The following ZDHHC14 variants were observed in gnomAD, a reference collection of about 807,000 sequenced individuals.
ZDHHC14 encodes the protein zDHHC palmitoyltransferase 14.
Under a neutral mutation model 47.7 loss-of-function variants are expected in ZDHHC14, and 16 were observed. The ratio of observed to expected loss-of-function variants is 0.34; its 90% confidence interval spans 0.23 to 0.51. The LOEUF is 0.51. ZDHHC14 is among the 20% of genes least tolerant of loss of function. ZDHHC14 has a pLI of 0.97. For synonymous variants in ZDHHC14, 293 were observed against 278.9 expected (o/e 1.05, Z -0.50); for missense variants, 515 against 662.5 (o/e 0.78, Z 2.44).
chr6:157,578,940 T>C (rs1023161257), intron 2 of ZDHHC14, among the ~76,000 whole-genome samples: 1 of 152,182 alleles, frequency 6.6e-6, no homozygotes, highest in Non-Finnish European at 1.5e-5. Flanking sequence ...GGTCTGTTTT[T>C]ATACCAGTAC....
chr6:157,646,211 C>G, intron 6 of ZDHHC14: 1 of 168,788 alleles, frequency 5.9e-6, no homozygotes, highest in South Asian at 1.8e-4. Flanking sequence ...TTGAGTCTGC[C>G]TTTCATATTT....
intron 3 of ZDHHC14, among the ~76,000 whole-genome samples, chr6:157,620,988 A>G (rs1785166729): frequency 6.6e-6 from 1 of 152,242 alleles, no homozygotes; most frequent in Admixed American, 6.5e-5. Context: ...ACAGTGCCCA[A>G]CACAAAGCAA....
chr6:157,572,823 C>T (rs557566449), intron 2 of ZDHHC14, among the ~76,000 whole-genome samples: 2 of 151,980 alleles, frequency 1.3e-5, no homozygotes, highest in Non-Finnish European at 2.9e-5. Context: ...GAAACTCATT[C>T]TTCGAGGCCA....
At chr6:157,641,842 G>T (rs189444664) in intron 5 of ZDHHC14, among the ~76,000 whole-genome samples, 16 of 152,198 alleles carry the variant, frequency 1.1e-4, no homozygotes, top group African/African-American at 3.9e-4. Context: ...AGATAATTTT[G>T]TGGATGTGGT....
At chr6:157,450,368 G>A (rs1318056725) in intron 1 of ZDHHC14, among the ~76,000 whole-genome samples, 5 of 151,738 alleles carry the variant, frequency 3.3e-5, no homozygotes, top group Non-Finnish European at 2.9e-5. Context: ...GAAACAATTG[G>A]CTAAATTGTT....
At chr6:157,585,646 C>T (rs1238589103) in intron 2 of ZDHHC14, among the ~76,000 whole-genome samples, 1 of 152,202 alleles carries the variant, frequency 6.6e-6, no homozygotes, top group Non-Finnish European at 1.5e-5. Context: ...CCCATCTGCC[C>T]TGGATGCAAG....
intron 5 of ZDHHC14, among the ~76,000 whole-genome samples, chr6:157,635,457 A>G (rs1429061293): frequency 6.6e-6 from 1 of 152,210 alleles, no homozygotes; most frequent in Non-Finnish European, 1.5e-5. Context: ...GTCCGGAGTC[A>G]TTTCTTAACC....
intron 1 of ZDHHC14, among the ~76,000 whole-genome samples, chr6:157,530,811 G>A (rs1429514260): frequency 1.3e-5 from 2 of 152,114 alleles, no homozygotes; most frequent in African/African-American, 2.4e-5. Context: ...GCACTCACAT[G>A]TGTCTCTGTC....
intron 1 of ZDHHC14, among the ~76,000 whole-genome samples, chr6:157,498,271 A>AG (rs1346326755): frequency 4.4e-4 from 8 of 18,336 alleles, no homozygotes; most frequent in Admixed American, 6.5e-4. Flanking sequence ...ACCACATCTC[A>AG]AAAAAAAAAA....
chr6:157,654,740 CT>C (rs11376227), intron 8 of ZDHHC14, among the ~76,000 whole-genome samples: 4,904 of 145,562 alleles, frequency 0.034, 152 homozygotes, highest in African/African-American at 0.084. Flanking sequence ...TTTTCTCTCT[CT>C]TTTTTTTTTT....
chr6:157,387,820 T>A (rs1348948156), intron 1 of ZDHHC14, among the ~76,000 whole-genome samples: 1 of 152,234 alleles, frequency 6.6e-6, no homozygotes, highest in Non-Finnish European at 1.5e-5. Context: ...AAATATCTGC[T>A]GTTTAATGAA....
intron 1 of ZDHHC14, among the ~76,000 whole-genome samples, chr6:157,384,772 G>T (rs1298871570): frequency 1.3e-5 from 2 of 152,104 alleles, no homozygotes; most frequent in African/African-American, 4.8e-5. Flanking sequence ...AGAGACCAAA[G>T]AACAAGTTAA....
chr6:157,549,564 G>C (rs1782137513), intron 2 of ZDHHC14, among the ~76,000 whole-genome samples: 1 of 152,164 alleles, frequency 6.6e-6, no homozygotes, highest in African/African-American at 2.4e-5. Flanking sequence ...CATCTAGAGT[G>C]CATGGATGCC....
chr6:157,416,300 C>T (rs535392948), intron 1 of ZDHHC14, among the ~76,000 whole-genome samples: 6 of 151,986 alleles, frequency 3.9e-5, no homozygotes, highest in Non-Finnish European at 7.4e-5. Context: ...ATATATTTGC[C>T]ATTTGAATTT....
At position 157,645,812 on chromosome 6, in the gene ZDHHC14, C is replaced by T. The variant is rs779328730; in HGVS notation, c.828C>T (p.Ile276=). Residue 276 remains isoleucine (I), a synonymous_variant, in exon 6 of 9, where the codon ATC becomes ATT. Transcript: ENST00000359775. ...VGLSGFHTYL[I]SSNQTTNEDI... The stretch of plus-strand genomic sequence containing the variant: ...TCTCAGGATTCCACACCTACTTGAT[C>T]AGCTCCAACCAGACAACAAATGAGG... 1.2e-6 allele frequency: 2 copies of T among 1,614,022 alleles called. No individual in the cohort carries two copies. Among genetic ancestry groups the T allele is most frequent in the Non-Finnish European group, 1.7e-6 (2 of 1,180,040 alleles).
intron 3 of ZDHHC14, among the ~76,000 whole-genome samples, chr6:157,599,723 A>G (rs887101671): frequency 6.6e-6 from 1 of 152,266 alleles, no homozygotes; most frequent in Admixed American, 6.5e-5. Flanking sequence ...CTTAAGGGAA[A>G]CCATAAGAAA....
At chr6:157,415,354 T>G (rs1036488347) in intron 1 of ZDHHC14, among the ~76,000 whole-genome samples, 3 of 152,108 alleles carry the variant, frequency 2.0e-5, no homozygotes, top group Non-Finnish European at 1.5e-5. Flanking sequence ...ATCACCACTC[T>G]CAGACAAATT....
At chr6:157,479,312 C>T (rs1366993612) in intron 1 of ZDHHC14, among the ~76,000 whole-genome samples, 1 of 152,200 alleles carries the variant, frequency 6.6e-6, no homozygotes, top group African/African-American at 2.4e-5. Flanking sequence ...ATCCTAAGTG[C>T]AGTGTAACAG....
chr6:157,606,626 G>A (rs754316512), intron 3 of ZDHHC14, among the ~76,000 whole-genome samples: 2 of 152,202 alleles, frequency 1.3e-5, no homozygotes, highest in Admixed American at 6.5e-5. Flanking sequence ...CCAAGAAGCC[G>A]GGTGGGTGAT....
Sources: allele counts gnomAD v4.1 joint callset (sites outside exome capture counted in the v4.1 genomes callset), GRCh38; gene constraint gnomAD v4.1.1; transcripts MANE v1.5; gene names NCBI Gene and HGNC (gene_info 2026-07-23, HGNC 2026-07-21).